The following AUTS2 variants were observed in gnomAD, a reference collection of about 807,000 sequenced individuals.
AUTS2 encodes activator of transcription and developmental regulator AUTS2, also known as autism susceptibility gene 2 protein.
A neutral mutation model predicts 112.4 loss-of-function variants in AUTS2; 17 were observed. The ratio of observed to expected loss-of-function variants is 0.15; its 90% CI spans 0.10 to 0.23. The LOEUF (loss-of-function observed/expected upper bound fraction) is 0.23, where lower values mean the gene tolerates loss of function less well. AUTS2 is among the 10% of genes least tolerant of loss of function. AUTS2 has a pLI of 1.00. For synonymous variants in AUTS2, 751 were observed against 702.7 expected (o/e 1.07, Z -1.09); for missense variants, 1,510 against 1,701.6 (o/e 0.89, Z 1.98).
At chr7:69,802,780 G>T (rs1327966989) in intron 1 of AUTS2, among the ~76,000 whole-genome samples, 1 of 152,098 alleles carries the variant, frequency 6.6e-6, no homozygotes, top group Non-Finnish European at 1.5e-5. Flanking sequence ...TGCTCCTTAG[G>T]ACTTGGCCTT....
chr7:70,523,599 G>C (rs1799728104), intron 5 of AUTS2, among the ~76,000 whole-genome samples: 1 of 152,142 alleles, frequency 6.6e-6, no homozygotes, highest in Admixed American at 6.5e-5. Flanking sequence ...GAATCAGTTT[G>C]GGGGCGTCTA....
intron 2 of AUTS2, among the ~76,000 whole-genome samples, chr7:70,053,437 T>A (rs768659286): frequency 2.6e-5 from 4 of 152,188 alleles, no homozygotes. Flanking sequence ...AATAATGTGC[T>A]ATAAAATCCA....
intron 1 of AUTS2, among the ~76,000 whole-genome samples, chr7:69,841,533 G>T (rs1791980593): frequency 6.6e-6 from 1 of 152,102 alleles, no homozygotes; most frequent in African/African-American, 2.4e-5. Context: ...ATAACACAAG[G>T]TTTACAGAAA....
chr7:69,699,735 C>T lies in AUTS2; in HGVS notation c.309+99773C>T, dbSNP rs1797727151. On this transcript the variant is annotated intron_variant, in intron 1 of 18. Transcript: ENST00000342771. ...TCTCGGCTCACTGCAACCTCTGCCT[C>T]TCAGGTTCAAGCAATTCTTCTGCCT... is the stretch of plus-strand genomic sequence containing the variant. Among the ~76,000 whole-genome samples the T allele has an allele frequency of 3.3e-5, 5 of 149,836 alleles. No homozygotes were observed. The South Asian group carries it at 1.1e-3, about 32-fold the overall frequency.
At chr7:70,362,582 T>A (rs1484836275) in intron 4 of AUTS2, among the ~76,000 whole-genome samples, 2 of 152,114 alleles carry the variant, frequency 1.3e-5, no homozygotes, top group African/African-American at 4.8e-5. Context: ...AGTATTTATA[T>A]GTGACAGGAT....
chr7:70,085,172 A>G (rs1803531298), intron 2 of AUTS2, among the ~76,000 whole-genome samples: 2 of 152,098 alleles, frequency 1.3e-5, no homozygotes, highest in Non-Finnish European at 1.5e-5. Context: ...AATATAATCT[A>G]TCAACTTCTT....
At chr7:69,718,161 C>T (rs1798719735) in intron 1 of AUTS2, among the ~76,000 whole-genome samples, 1 of 152,132 alleles carries the variant, frequency 6.6e-6, no homozygotes, top group South Asian at 2.1e-4. Flanking sequence ...AAACATATTA[C>T]AGATTATTAT....
rs900652789 is a variant in AUTS2, at chr7:70,621,027, T to C, written c.691-77542T>C. On this transcript the variant is annotated intron_variant, in intron 5 of 18. Coordinates refer to ENST00000342771, the MANE Select transcript of AUTS2 (RefSeq NM_015570.4). ...GGGAGGACCATGAGGGGCCGCGGTA[T>C]GGCGGCGGTGGGGTAGGGAAAGAGC... is the stretch of plus-strand genomic sequence containing the variant. Among the ~76,000 whole-genome samples, 7 of 152,272 alleles carry C rather than the reference T, an allele frequency of 4.6e-5. No homozygotes were observed. The East Asian group carries it at 1.4e-3, about 29-fold the overall frequency.
At chr7:70,619,903 A>G (rs1557970) in intron 5 of AUTS2, among the ~76,000 whole-genome samples, 128,066 of 152,070 alleles carry the variant, frequency 0.84, 54,040 homozygotes, top group South Asian at 0.9. Context: ...ACACCCATTC[A>G]CTGTTCAGGT....
chr7:69,887,898 C>T (rs541522614), intron 1 of AUTS2, among the ~76,000 whole-genome samples: 25 of 151,942 alleles, frequency 1.6e-4, no homozygotes, highest in African/African-American at 5.8e-4. Flanking sequence ...GTTAATAAGG[C>T]GATTTATGTT....
At chr7:70,007,699 A>G (rs550324899) in intron 2 of AUTS2, among the ~76,000 whole-genome samples, 2 of 152,330 alleles carry the variant, frequency 1.3e-5, no homozygotes, top group African/African-American at 4.8e-5. Flanking sequence ...AAGGTCACAC[A>G]GTGCGCAATA....
chr7:70,785,924 A>T (rs988429275), intron 16 of AUTS2, 31 bp from the exon 17 acceptor site: 4 of 1,608,664 alleles, frequency 2.5e-6, no homozygotes, highest in Admixed American at 1.7e-5. Flanking sequence ...AGAGCCCCTG[A>T]CCATTTCCTT....
At chr7:69,817,875 C>T (rs943349431) in intron 1 of AUTS2, among the ~76,000 whole-genome samples, 1 of 152,146 alleles carries the variant, frequency 6.6e-6, no homozygotes, top group African/African-American at 2.4e-5. Context: ...CTAATAATAT[C>T]TTTGTGTTTA....
At chr7:70,566,353 C>G (rs1801707929) in intron 5 of AUTS2, among the ~76,000 whole-genome samples, 1 of 152,138 alleles carries the variant, frequency 6.6e-6, no homozygotes, top group South Asian at 2.1e-4. Context: ...TTGTCCCTGG[C>G]CAGCTTCTAC....
intron 1 of AUTS2, among the ~76,000 whole-genome samples, chr7:69,620,256 C>G (rs1793593195): frequency 6.6e-6 from 1 of 152,164 alleles, no homozygotes; most frequent in Non-Finnish European, 1.5e-5. Flanking sequence ...AAGTTTATTT[C>G]TAGGGCTCTC....
intron 4 of AUTS2, among the ~76,000 whole-genome samples, chr7:70,333,129 C>T (rs1023865824): frequency 6.6e-6 from 1 of 151,936 alleles, no homozygotes; most frequent in South Asian, 2.1e-4. Context: ...AAGAAACAAC[C>T]CCGTCAAAAA....
intron 1 of AUTS2, among the ~76,000 whole-genome samples, chr7:69,610,579 G>A (rs906234210): frequency 1.3e-5 from 2 of 152,122 alleles, no homozygotes; most frequent in Admixed American, 1.3e-4. Context: ...TCTGTTCCCC[G>A]TGCTCCTGGA....
intron 6 of AUTS2, among the ~76,000 whole-genome samples, chr7:70,705,248 C>T (rs992194244): frequency 6.6e-6 from 1 of 152,190 alleles, no homozygotes; most frequent in African/African-American, 2.4e-5. Flanking sequence ...ACTCAGAAAG[C>T]GCAGTCTCAG....
chr7:69,992,345 C>T (rs1798773674), intron 2 of AUTS2, among the ~76,000 whole-genome samples: 1 of 152,092 alleles, frequency 6.6e-6, no homozygotes, highest in African/African-American at 2.4e-5. Context: ...TAAGCATATC[C>T]TTCTACTGGA....
Sources: gnomAD v4.1 joint callset for allele counts (sites outside exome capture counted in the v4.1 genomes callset) on GRCh38, gnomAD v4.1.1 for gene constraint, MANE v1.5 for transcripts, NCBI Gene and HGNC (gene_info 2026-07-23, HGNC 2026-07-21) for gene names.